Variants in GRID2 observed in about 807,000 individuals in gnomAD.
GRID2 encodes the protein glutamate receptor ionotropic, delta-2.
GRID2 carries 33 observed loss-of-function variants against 114.8 expected under a neutral mutation model. That is an observed-to-expected ratio of 0.29 (90% CI 0.22 to 0.38). GRID2 has a LOEUF of 0.38. Among genes scored for constraint, GRID2 ranks in the 10% least tolerant of loss-of-function variants. The pLI is 1.00. For synonymous variants in GRID2, 505 were observed against 449.9 expected (o/e 1.12, Z -1.55); for missense variants, 1,184 against 1,257.7 (o/e 0.94, Z 0.89).
chr4:92,754,534 A>G lies in GRID2; in HGVS notation c.244+164248A>G, dbSNP rs148488081. Among the ~76,000 whole-genome samples, 21 of 152,308 alleles carry G rather than the reference A, an allele frequency of 1.4e-4. No homozygotes were observed. The South Asian group carries it at 3.5e-3, about 26-fold the overall frequency. ...CATTTGTGAAATGGCAGTGATGATC[A>G]TGATACCGATCTCACCGTGGTGTTG... On this transcript the variant is annotated intron_variant, in intron 2 of 15. Coordinates refer to ENST00000282020, the MANE Select transcript of GRID2 (RefSeq NM_001510.4).
intron 14 of GRID2, among the ~76,000 whole-genome samples, chr4:93,741,177 A>ATATATATATATATATATATATATATG (rs1731356965): frequency 3.5e-5 from 1 of 28,976 alleles, no homozygotes; most frequent in Admixed American, 4.4e-4. Flanking sequence ...ATATATACAT[A>ATATATATATATATATATATATATATG]TATATATATA....
At chr4:93,318,744 A>T (rs1756935366) in intron 8 of GRID2, 1 of 152,166 alleles carries the variant, frequency 6.6e-6, no homozygotes, top group Admixed American at 6.6e-5. Flanking sequence ...CACATCTTAG[A>T]GAAGCATCTG....
At chr4:93,403,958 A>G (rs112279229) in intron 9 of GRID2, among the ~76,000 whole-genome samples, 56 of 152,200 alleles carry the variant, frequency 3.7e-4, no homozygotes, top group African/African-American at 1.0e-3. Flanking sequence ...ATTGCAGCCA[A>G]AAATGGAAAC....
intron 2 of GRID2, among the ~76,000 whole-genome samples, chr4:93,022,526 G>A (rs1449572367): frequency 6.6e-6 from 1 of 151,674 alleles, no homozygotes; most frequent in African/African-American, 2.4e-5. Context: ...ATATTTTCTA[G>A]GAATACATTT....
chr4:92,575,122 T>C (rs929781099), intron 1 of GRID2, among the ~76,000 whole-genome samples: 1 of 152,192 alleles, frequency 6.6e-6, no homozygotes, highest in African/African-American at 2.4e-5. Flanking sequence ...TGCTTGTAAT[T>C]GCAATGGGAA....
At chr4:92,584,920 T>A (rs1437977738) in intron 1 of GRID2, among the ~76,000 whole-genome samples, 1 of 152,090 alleles carries the variant, frequency 6.6e-6, no homozygotes, top group East Asian at 1.9e-4. Context: ...TTATGAAGCA[T>A]GAGAAGGTTT....
intron 11 of GRID2, among the ~76,000 whole-genome samples, chr4:93,468,261 C>T (rs1724480779): frequency 1.3e-5 from 2 of 152,218 alleles, no homozygotes; most frequent in Non-Finnish European, 1.5e-5. Context: ...ATGTGCCAGG[C>T]ACTATTCAAG....
chr4:93,312,024 A>C (rs2149189624), intron 8 of GRID2, among the ~76,000 whole-genome samples: 1 of 152,278 alleles, frequency 6.6e-6, no homozygotes, highest in South Asian at 2.1e-4. Flanking sequence ...GAGAGATTTG[A>C]ATATATGTAT....
intron 2 of GRID2, among the ~76,000 whole-genome samples, chr4:92,997,811 C>T (rs962136745): frequency 6.6e-5 from 10 of 152,120 alleles, no homozygotes; most frequent in African/African-American, 2.4e-4. Context: ...GATACCAGCA[C>T]AGCAGTTAAG....
chr4:93,347,008 T>C (rs1459474337), intron 8 of GRID2, among the ~76,000 whole-genome samples: 3 of 152,152 alleles, frequency 2.0e-5, no homozygotes, highest in Non-Finnish European at 4.4e-5. Flanking sequence ...TCAGGGTTAG[T>C]GGTAACCTAG....
chr4:93,060,463 T>C (rs1167519539), intron 2 of GRID2, among the ~76,000 whole-genome samples: 1 of 152,086 alleles, frequency 6.6e-6, no homozygotes, highest in African/African-American at 2.4e-5. Flanking sequence ...GAATGATATG[T>C]TTTTCCAAAA....
intron 9 of GRID2, among the ~76,000 whole-genome samples, chr4:93,407,367 G>C (rs1766558413): frequency 6.9e-6 from 1 of 144,898 alleles, no homozygotes; most frequent in South Asian, 2.1e-4. Flanking sequence ...CCACCATACT[G>C]CATGGAAGTC....
intron 2 of GRID2, among the ~76,000 whole-genome samples, chr4:93,015,843 T>C (rs1722643588): frequency 6.6e-6 from 1 of 152,018 alleles, no homozygotes. Flanking sequence ...TCAGTGTTTC[T>C]TATAGCAGGC....
chr4:93,670,116 C>T (rs1724281418), intron 14 of GRID2, among the ~76,000 whole-genome samples: 1 of 152,076 alleles, frequency 6.6e-6, no homozygotes, highest in South Asian at 2.1e-4. Context: ...TAATTTTTCA[C>T]TTTTACAGCA....
chr4:93,244,576 T>C (rs1405058168), intron 8 of GRID2, among the ~76,000 whole-genome samples: 8 of 42,382 alleles, frequency 1.9e-4, no homozygotes, highest in Admixed American at 3.6e-4. Context: ...ATATATTAAT[T>C]AATAGATTAT....
chr4:92,325,175 CAT>C (rs1226574354), intron 1 of GRID2, among the ~76,000 whole-genome samples: 1 of 151,882 alleles, frequency 6.6e-6, no homozygotes, highest in Non-Finnish European at 1.5e-5. Context: ...GAGCTTGTCA[CAT>C]GTGTCTCAGC....
chr4:93,332,312 G>A (rs1477139204), intron 8 of GRID2, among the ~76,000 whole-genome samples: 1 of 151,186 alleles, frequency 6.6e-6, no homozygotes, highest in East Asian at 1.9e-4. Context: ...GAGAGAGAGA[G>A]AGAGAGAGAG....
At chr4:92,364,986 C>CA (rs1728783066) in intron 1 of GRID2, among the ~76,000 whole-genome samples, 2 of 151,828 alleles carry the variant, frequency 1.3e-5, no homozygotes, top group African/African-American at 4.8e-5. Flanking sequence ...GGTTTCCCAG[C>CA]AAAAAATAAG....
intron 1 of GRID2, among the ~76,000 whole-genome samples, chr4:92,471,780 T>C (rs991209162): frequency 1.9e-4 from 29 of 152,108 alleles, no homozygotes; most frequent in Non-Finnish European, 4.0e-4. Flanking sequence ...TGCAATTCCA[T>C]ACCCAGGAAA....
Sources: allele counts gnomAD v4.1 joint callset (sites outside exome capture counted in the v4.1 genomes callset), GRCh38; gene constraint gnomAD v4.1.1; transcripts MANE v1.5; gene names NCBI Gene and HGNC (gene_info 2026-07-23, HGNC 2026-07-21).